The following ZNF92 variants were observed in gnomAD, a reference collection of about 807,000 sequenced individuals.
ZNF92 encodes zinc finger protein 92.
ZNF92 carries 11 observed loss-of-function variants against 12.4 expected under a neutral mutation model. That is an observed-to-expected ratio of 0.89 (90% CI 0.56 to 1.47). ZNF92 has a LOEUF of 1.47. ZNF92 is among the 40% of genes most tolerant of loss of function. The pLI is 0.00. For synonymous variants in ZNF92, 206 were observed against 228.6 expected (o/e 0.90, Z 0.89); for missense variants, 622 against 681.0 (o/e 0.91, Z 0.96).
chr7:65,386,971 C>G (rs1793584575), intron 1 of ZNF92, among the ~76,000 whole-genome samples: 1 of 139,340 alleles, frequency 7.2e-6, no homozygotes, highest in African/African-American at 2.8e-5. Flanking sequence ...CGGAGTTTCA[C>G]TCTCGTTCCC....
At chr7:65,374,765 A>G (rs1427894402) in intron 1 of ZNF92, among the ~76,000 whole-genome samples, 2 of 151,782 alleles carry the variant, frequency 1.3e-5, no homozygotes, top group African/African-American at 4.8e-5. Context: ...AGCCACCTCA[A>G]TCTAATTGCC....
intron 3 of ZNF92, among the ~76,000 whole-genome samples, chr7:65,394,617 G>T (rs1374917808): frequency 6.6e-6 from 1 of 152,068 alleles, no homozygotes; most frequent in Non-Finnish European, 1.5e-5. Flanking sequence ...CTTTACCACT[G>T]TAGGTTGTAT....
rs946623619 is a variant in ZNF92 at position 65,398,698 on chromosome 7, A to G, written c.584A>G (p.His195Arg). Residue 195 changes from histidine to arginine, a missense_variant, in exon 4 of 4, where the codon CAT becomes CGT. By Grantham distance (29) the His-to-Arg change is conservative (BLOSUM62 0). Transcript: ENST00000328747. ...CAATTAACTCAACATAAGAAAATTC[A>G]TACTAGAGAGTATTCTTACAAATGT... Reference protein sequence around the residue: ...LSQLTQHKKIHTREYSYKCEE... With the variant: ...LSQLTQHKKIRTREYSYKCEE... 1.4e-5 allele frequency: 22 copies of G among 1,611,412 alleles called. No individual in the cohort carries two copies.
chr7:65,391,926 A>G (rs1207920601), intron 3 of ZNF92, among the ~76,000 whole-genome samples: 1 of 152,128 alleles, frequency 6.6e-6, no homozygotes, highest in East Asian at 1.9e-4. Context: ...TTTTAATGGT[A>G]CATCAATATT....
Position 65,398,921 on chromosome 7 carries a change from C to T in ZNF92, c.807C>T (p.Ser269=), listed in dbSNP as rs1793926207. Residue 269 remains serine, a synonymous_variant, in exon 4 of 4, where the codon TCC becomes TCT. Coordinates refer to ENST00000328747, the MANE Select transcript of ZNF92 (RefSeq NM_152626.4). ...AATGTGGCAAAGCTTTTAACCGGTC[C>T]TCAACCCTTACTAAACATAAAAGAA... ...CEECGKAFNR[S]STLTKHKRIH... 1 of 1,613,064 alleles carries T rather than the reference C, an allele frequency of 6.2e-7. No individual in the cohort carries two copies. The highest frequency in any genetic ancestry group is 1.1e-5 in the South Asian group (1 of 91,050).
rs532004873 is a variant in ZNF92 at position 65,381,145 on chromosome 7, G to A, written c.4-6757G>A. On this transcript the variant is annotated intron_variant, in intron 1 of 3. Coordinates refer to ENST00000328747, the MANE Select transcript of ZNF92 (RefSeq NM_152626.4). The stretch of plus-strand genomic sequence containing the variant: ...TCTCCCTCAGCCTCCCAAGTAGCTG[G>A]GATTACAGGCACGCCCCACCATGCC... Among the ~76,000 whole-genome samples the A allele has an allele frequency of 2.8e-3, 424 of 151,984 alleles. 1 individual carries two copies. The highest frequency in any genetic ancestry group is 6.3e-3 in the South Asian group (30 of 4,796).
At chr7:65,374,702 G>A (rs754655939) in intron 1 of ZNF92, among the ~76,000 whole-genome samples, 5 of 150,980 alleles carry the variant, frequency 3.3e-5, no homozygotes, top group African/African-American at 1.2e-4. Flanking sequence ...CCCTCCCCCC[G>A]CCAAAAATGC....
At chr7:65,391,165 G>C (rs1308357894) in intron 3 of ZNF92, among the ~76,000 whole-genome samples, 1 of 151,928 alleles carries the variant, frequency 6.6e-6, no homozygotes, top group African/African-American at 2.4e-5. Flanking sequence ...ACCCATTCTG[G>C]TCTTGAAATC....
At chr7:65,385,221 G>T (rs770682079) in intron 1 of ZNF92, among the ~76,000 whole-genome samples, 3 of 152,106 alleles carry the variant, frequency 2.0e-5, no homozygotes, top group South Asian at 2.1e-4. Flanking sequence ...ATTACATAGA[G>T]TGGGGCCAAA....
chr7:65,388,484 A>C lies in ZNF92; in HGVS notation c.131-322A>C, dbSNP rs191500169. Among the ~76,000 whole-genome samples, 24 of 151,960 alleles carry C rather than the reference A, an allele frequency of 1.6e-4. 1 individual carries two copies. The East Asian group carries it at 3.3e-3, about 21-fold the overall frequency. On this transcript the variant is annotated intron_variant, in intron 2 of 3. Transcript: ENST00000328747. ...TGAAACCCTGTCTCTACTAAAAATAAAAAAATTAGCCAGGCGTGTTGGTGG... is the reference window on the plus strand; with the variant it reads ...TGAAACCCTGTCTCTACTAAAAATACAAAAATTAGCCAGGCGTGTTGGTGG...
chr7:65,388,017 T>C lies in ZNF92; in HGVS notation c.119T>C (p.Leu40Pro), dbSNP rs1793619034. Residue 40 changes from leucine (L) to proline (P), a missense_variant, in exon 2 of 4, where the codon CTG becomes CCG. Transcript: ENST00000328747. ...RDVMLENYRN[L>P]VFLGIAVSKP... ...GTGATGTTAGAGAACTACAGAAACC[T>C]GGTCTTCCTTGGTGAGGATAACTTC... 6.2e-7 allele frequency: 1 copy of C among 1,604,962 alleles called. No individual in the cohort carries two copies. Among genetic ancestry groups the C allele is most frequent in the Admixed American group, 1.7e-5 (1 of 58,822 alleles).
intron 1 of ZNF92, among the ~76,000 whole-genome samples, chr7:65,383,703 G>A (rs1433527133): frequency 6.6e-6 from 1 of 152,160 alleles, no homozygotes; most frequent in Non-Finnish European, 1.5e-5. Flanking sequence ...TGATACTGGA[G>A]TAGAGTATTC....
chr7:65,376,710 G>A (rs1172284644), intron 1 of ZNF92, among the ~76,000 whole-genome samples: 2 of 152,160 alleles, frequency 1.3e-5, no homozygotes, highest in East Asian at 1.9e-4. Flanking sequence ...TTCCCAAAAT[G>A]CTGGGATTAC....
In ZNF92 at chr7:65,391,290, C is replaced by T. The variant is rs556673547; in HGVS notation, c.226+2389C>T. ...TTATGAGGGATGGCTGACAAATTTT[C>T]TTGCTGTTGGAGGATAACAAAATAA... On this transcript the variant is annotated intron_variant, in intron 3 of 3. Transcript: ENST00000328747. Among the ~76,000 whole-genome samples, 3 of 152,152 alleles carry T rather than the reference C, an allele frequency of 2.0e-5. No homozygotes were observed. The East Asian group carries it at 5.8e-4, about 29-fold the overall frequency.
At chr7:65,390,885 G>T (rs951156152) in intron 3 of ZNF92, among the ~76,000 whole-genome samples, 1 of 152,184 alleles carries the variant, frequency 6.6e-6, no homozygotes, top group Middle Eastern at 3.4e-3. Flanking sequence ...CCTCCAGGCC[G>T]CTGGAAGGGC....
At chr7:65,388,990 G>A in intron 3 of ZNF92, 89 bp downstream of exon 3, 3 of 1,196,520 alleles carry the variant, frequency 2.5e-6, no homozygotes, top group Non-Finnish European at 2.3e-6. Context: ...TCGGAGTTTT[G>A]ACCTTGTTGT....
At chr7:65,387,787 T>A in intron 1 of ZNF92, 115 bp from the exon 2 acceptor site, 1 of 1,278,746 alleles carries the variant, frequency 7.8e-7, no homozygotes, top group Non-Finnish European at 1.0e-6. Context: ...GTCACTCCTG[T>A]AAGTCAGAAC....
chr7:65,374,838 C>A (rs2116324738), intron 1 of ZNF92, among the ~76,000 whole-genome samples: 1 of 151,994 alleles, frequency 6.6e-6, no homozygotes, highest in East Asian at 1.9e-4. Context: ...TCACATGTGT[C>A]CCAAGCAGGG....
Position 65,398,452 on chromosome 7 carries a change from TAAGAA to T in ZNF92, c.343_347del (p.Lys115ProfsTer2). The T allele has an allele frequency of 6.2e-7, 1 of 1,613,150 alleles. No homozygotes were observed. The highest frequency in any genetic ancestry group is 8.5e-7 in the Non-Finnish European group (1 of 1,179,630). Reference sequence around the variant, plus strand: ...AAATATGGACATGAGAATTTACAGCTAAGAAAAGACCATAAAAGTGTGGATGCATG... The same window carrying T: ...AAATATGGACATGAGAATTTACAGCTAAGACCATAAAAGTGTGGATGCATG... On this transcript the variant is annotated frameshift_variant, in exon 4 of 4. Coordinates refer to ENST00000328747, the MANE Select transcript of ZNF92 (RefSeq NM_152626.4). LOFTEE classifies it low-confidence loss of function (END_TRUNC).
Sources: gnomAD v4.1 joint callset for allele counts (sites outside exome capture counted in the v4.1 genomes callset) on GRCh38, gnomAD v4.1.1 for gene constraint, MANE v1.5 for transcripts, NCBI Gene and HGNC (gene_info 2026-07-23, HGNC 2026-07-21) for gene names.